CNKSR2: variants seen among roughly 807,000 people sequenced by gnomAD.
CNKSR2 encodes connector enhancer of kinase suppressor of Ras 2.
CNKSR2 carries 14 observed loss-of-function variants against 84.4 expected under a neutral mutation model. That is an observed-to-expected ratio of 0.17 (90% CI 0.11 to 0.26). The LOEUF (loss-of-function observed/expected upper bound fraction) is 0.26, where lower values mean the gene tolerates loss of function less well. Among genes scored for constraint, CNKSR2 ranks in the 10% least tolerant of loss-of-function variants. The probability of loss-of-function intolerance (pLI) is 1.00; values close to 1 mark genes in which losing one functional copy is unlikely to be tolerated. For missense variants in CNKSR2, 485 were observed against 771.2 expected, an observed-to-expected ratio of 0.63 and a Z score of 4.40; for synonymous variants, 275 against 277.9, an observed-to-expected ratio of 0.99 and a Z score of 0.10.
chrX:21,423,773 G>T (rs1299740271), intron 1 of CNKSR2: 2 of 111,426 alleles, frequency 1.8e-5, no homozygotes, highest in Non-Finnish European at 3.8e-5. Flanking sequence ...ACACAGTATT[G>T]AATTCATCAA....
chrX:21,540,382 T>G (rs755002027), intron 11 of CNKSR2, among the ~76,000 whole-genome samples: 7 of 112,052 alleles, frequency 6.2e-5, no homozygotes, highest in Non-Finnish European at 1.1e-4. Flanking sequence ...CAGAAATAAC[T>G]TCAAACCTTC....
intron 5 of CNKSR2, among the ~76,000 whole-genome samples, chrX:21,472,959 A>G (rs2091216390): frequency 9.0e-6 from 1 of 111,538 alleles, no homozygotes; most frequent in African/African-American, 3.2e-5. Flanking sequence ...AAAGTTCTTA[A>G]TCACTAAATA....
chrX:21,627,702 C>G (rs2092630476), intron 20 of CNKSR2, among the ~76,000 whole-genome samples: 1 of 111,479 alleles, frequency 9.0e-6, no homozygotes, highest in Admixed American at 9.5e-5. Context: ...GACTTATTCA[C>G]TATCATAAGA....
At chrX:21,445,379 T>C (rs965819565) in intron 4 of CNKSR2, among the ~76,000 whole-genome samples, 3 of 111,557 alleles carry the variant, frequency 2.7e-5, no homozygotes, top group Non-Finnish European at 3.8e-5. Context: ...ATGTATACAG[T>C]CTGTAATGAT....
In CNKSR2 at chrX:21,578,930, G is replaced by A. The variant is rs142445996; in HGVS notation, c.1609-11642G>A. 3.6e-3 allele frequency among the ~76,000 whole-genome samples: 399 copies of A among 111,648 alleles called. 3 individuals are homozygous for A. The South Asian group carries it at 0.04, about 11-fold the overall frequency. On this transcript the variant is annotated intron_variant, in intron 13 of 21. Coordinates refer to ENST00000379510, the MANE Select transcript of CNKSR2 (RefSeq NM_014927.5). ...CTAGAACCCATGAGCACAAACCAGA[G>A]CATTTCCTCCAACTTCAACAAGAAG...
intron 20 of CNKSR2, among the ~76,000 whole-genome samples, chrX:21,624,047 T>G (rs1156795581): frequency 9.0e-6 from 1 of 111,720 alleles, no homozygotes; most frequent in Non-Finnish European, 1.9e-5. Context: ...TTCTAAAATG[T>G]GTATGGAAAT....
chrX:21,626,892 G>A (rs1392795870), intron 20 of CNKSR2, among the ~76,000 whole-genome samples: 1 of 111,929 alleles, frequency 8.9e-6, no homozygotes, highest in African/African-American at 3.2e-5. Flanking sequence ...AATTGGATAA[G>A]GAAATGAATT....
Position 21,484,980 on chromosome X carries a change from G to A in CNKSR2, c.562-5479G>A, listed in dbSNP as rs765691254. ...AGGCGAATCATGAGGTCAGGAGTTCGAGACCAGCCAGGCCAACATGGTGAA... is the reference window on the plus strand; with the variant it reads ...AGGCGAATCATGAGGTCAGGAGTTCAAGACCAGCCAGGCCAACATGGTGAA... On this transcript the variant is annotated intron_variant, in intron 5 of 21. Transcript: ENST00000379510. Among the ~76,000 whole-genome samples, 363 of 111,253 alleles carry A rather than the reference G, an allele frequency of 3.3e-3. 2 individuals are homozygous for A. Among genetic ancestry groups the A allele is most frequent in the African/African-American group, 0.011 (335 of 30,619 alleles).
chrX:21,375,697 G>T (rs763715656), intron 1 of CNKSR2, among the ~76,000 whole-genome samples: 1 of 112,091 alleles, frequency 8.9e-6, no homozygotes, highest in Middle Eastern at 4.6e-3. Flanking sequence ...TTTTATTAAG[G>T]GCTCAACGCC....
rs1012763413 is a variant in CNKSR2 at position 21,637,075 on chromosome X, A to G, written c.2693-11756A>G. Among the ~76,000 whole-genome samples the G allele has an allele frequency of 6.3e-5, 7 of 111,649 alleles. No homozygotes were observed. The Admixed American group carries it at 6.7e-4, about 11-fold the overall frequency. On this transcript the variant is annotated intron_variant, in intron 20 of 21. Coordinates refer to ENST00000379510, the MANE Select transcript of CNKSR2 (RefSeq NM_014927.5). ...AGTTGTTTCGTAAAAACTTCACTCA[A>G]AGGGTACTTCAGATCTGCCTTAATT... is the stretch of plus-strand genomic sequence containing the variant.
chrX:21,457,300 G>A (rs367626873), intron 4 of CNKSR2, among the ~76,000 whole-genome samples: 4 of 110,719 alleles, frequency 3.6e-5, no homozygotes, highest in African/African-American at 9.8e-5. Flanking sequence ...ACATTTTTGC[G>A]ATTTTTCTTT....
At chrX:21,445,734 A>G (rs973856674) in intron 4 of CNKSR2, among the ~76,000 whole-genome samples, 1 of 112,177 alleles carries the variant, frequency 8.9e-6, no homozygotes, top group Non-Finnish European at 1.9e-5. Flanking sequence ...TTCACTTAAC[A>G]TAATATCCTT....
At chrX:21,641,425 T>C in intron 20 of CNKSR2, 3 of 953,994 alleles carry the variant, frequency 3.1e-6, no homozygotes, top group Non-Finnish European at 2.9e-6. Flanking sequence ...CTACTTTCTC[T>C]TCATGGGTAT....
chrX:21,571,409 G>A, intron 13 of CNKSR2, among the ~76,000 whole-genome samples: 1 of 111,949 alleles, frequency 8.9e-6, no homozygotes, highest in Non-Finnish European at 1.9e-5. Context: ...TTGAAGCACA[G>A]TAACAGGAGG....
At chrX:21,605,572 A>G (rs930726149) in intron 18 of CNKSR2, among the ~76,000 whole-genome samples, 3 of 112,098 alleles carry the variant, frequency 2.7e-5, no homozygotes, top group Non-Finnish European at 5.6e-5. Context: ...ACTTTACAAA[A>G]GAGTCCCAGC....
chrX:21,470,209 T>G (rs2091180944), intron 4 of CNKSR2, among the ~76,000 whole-genome samples: 1 of 112,014 alleles, frequency 8.9e-6, no homozygotes, highest in African/African-American at 3.2e-5. Flanking sequence ...TTTCTGGGAC[T>G]TAAATTTAGG....
intron 11 of CNKSR2, among the ~76,000 whole-genome samples, chrX:21,547,849 A>C (rs1200760296): frequency 8.9e-6 from 1 of 112,422 alleles, no homozygotes; most frequent in Admixed American, 9.4e-5. Flanking sequence ...AATGAAATTA[A>C]GGCAGAAATA....
rs778002152 is a variant in CNKSR2, at chrX:21,620,640, A to T, written c.2692+11023A>T. 5.4e-5 allele frequency among the ~76,000 whole-genome samples: 6 copies of T among 111,432 alleles called. No individual in the cohort carries two copies. In the South Asian group the frequency reaches 2.2e-3, roughly 42 times the overall value. On this transcript the variant is annotated intron_variant, in intron 20 of 21. Coordinates refer to ENST00000379510, the MANE Select transcript of CNKSR2 (RefSeq NM_014927.5). ...ACTTACAGAGTTCTTCCTTGTATTG[A>T]TACAAAAACAAATTTCTGCCAAACT...
chrX:21,387,858 AC>A (rs1173549961), intron 1 of CNKSR2, among the ~76,000 whole-genome samples: 1 of 111,559 alleles, frequency 9.0e-6, no homozygotes, highest in Non-Finnish European at 1.9e-5. Context: ...ATATGTACAT[AC>A]TCAGTATGAC....
Sources: allele counts gnomAD v4.1 joint callset (sites outside exome capture counted in the v4.1 genomes callset), GRCh38; gene constraint gnomAD v4.1.1; transcripts MANE v1.5; gene names NCBI Gene and HGNC (gene_info 2026-07-23, HGNC 2026-07-21).